The following AMZ2 variants were observed in gnomAD, a reference collection of about 807,000 sequenced individuals.
AMZ2 encodes archaelysin family metallopeptidase 2.
Under a neutral mutation model 36.7 loss-of-function variants are expected in AMZ2, and 26 were observed. The observed-to-expected ratio is 0.71, with a 90% CI of 0.52 to 0.98. The LOEUF (loss-of-function observed/expected upper bound fraction) is 0.98. AMZ2 is among the 50% of genes least tolerant of loss of function. The pLI is 0.00. For synonymous variants in AMZ2, 144 were observed against 149.1 expected (o/e 0.97, Z 0.25); for missense variants, 394 against 430.5 (o/e 0.92, Z 0.75).
At chr17:68,222,730 A>G (rs1281090031) in intron 1 of AMZ2, among the ~76,000 whole-genome samples, 1 of 152,148 alleles carries the variant, frequency 6.6e-6, no homozygotes, top group Non-Finnish European at 1.5e-5. Flanking sequence ...TGCACTCCTA[A>G]GAAAATCTAA....
chr17:68,220,780 C>CCCTTT (rs1599300316), intron 1 of AMZ2, among the ~76,000 whole-genome samples: 1 of 123,102 alleles, frequency 8.1e-6, no homozygotes, highest in Admixed American at 8.6e-5. Flanking sequence ...CTTTTTCTTT[C>CCCTTT]TCTTTTTTTT....
At chr17:68,251,264 A>G in intron 4 of AMZ2, 86 bp downstream of exon 4, 2 of 1,412,480 alleles carry the variant, frequency 1.4e-6, no homozygotes, top group Non-Finnish European at 1.9e-6. Flanking sequence ...ATTCCAACCA[A>G]GAATCATATT....
intron 1 of AMZ2, among the ~76,000 whole-genome samples, chr17:68,221,570 A>G (rs1555728555): frequency 6.6e-6 from 1 of 152,008 alleles, no homozygotes; most frequent in Non-Finnish European, 1.5e-5. Context: ...TACTAAAAAT[A>G]CAAAAAATTA....
chr17:68,211,782 A>G (rs1342450499), intron 1 of AMZ2, among the ~76,000 whole-genome samples: 1 of 125,096 alleles, frequency 8.0e-6, no homozygotes, highest in Non-Finnish European at 1.6e-5. Context: ...ATATGTATAT[A>G]TGTATATGTA....
At position 68,254,458 on chromosome 17, in the gene AMZ2, A is replaced by G. The variant is rs2074742035; in HGVS notation, c.641A>G (p.Tyr214Cys). 2 of 1,613,758 alleles carry G rather than the reference A, an allele frequency of 1.2e-6. No individual in the cohort carries two copies. The highest frequency in any genetic ancestry group is 1.7e-6 in the Non-Finnish European group (2 of 1,180,000). Residue 214 changes from tyrosine (Y) to cysteine (C), a missense_variant, in exon 5 of 7, where the codon TAT (tyrosine) becomes TGT (cysteine). Tyr to Cys is a radical substitution (Grantham distance 194). Coordinates refer to ENST00000359904, the MANE Select transcript of AMZ2 (RefSeq NM_016627.5). ...RYGSDFYSMH[Y>C]KGKVKKLKKT... ...GGCAGTGATTTTTATAGCATGCACT[A>G]TAAAGGCAAAGTGAAGAAGCTCAAG...
chr17:68,217,336 CTG>C (rs1423430369), intron 1 of AMZ2, among the ~76,000 whole-genome samples: 1 of 152,124 alleles, frequency 6.6e-6, no homozygotes, highest in Non-Finnish European at 1.5e-5. Context: ...GTCAATAAAA[CTG>C]TTCATTTAAG....
intron 4 of AMZ2, among the ~76,000 whole-genome samples, chr17:68,251,837 CAG>C (rs1325149570): frequency 6.6e-6 from 1 of 152,160 alleles, no homozygotes; most frequent in Non-Finnish European, 1.5e-5. Flanking sequence ...TCATCTTGCA[CAG>C]TTAGAATAGC....
intron 1 of AMZ2, 64 bp from the exon 2 acceptor site, chr17:68,250,124 G>T: frequency 1.3e-6 from 2 of 1,512,370 alleles, no homozygotes; most frequent in Non-Finnish European, 8.9e-7. Context: ...AAATATAGAG[G>T]ATAGGTAAAG....
intron 1 of AMZ2, among the ~76,000 whole-genome samples, chr17:68,214,928 TGTGTGACACCACGCCC>T (rs1555726882): frequency 6.6e-5 from 6 of 90,428 alleles, no homozygotes; most frequent in East Asian, 7.2e-4. Context: ...GGACTACAGG[TGTGTGACACCACGCCC>T]GGCTAATTTT....
intron 1 of AMZ2, among the ~76,000 whole-genome samples, chr17:68,225,958 A>G (rs1343704330): frequency 6.6e-6 from 1 of 152,114 alleles, no homozygotes; most frequent in Non-Finnish European, 1.5e-5. Context: ...TTAAGGCAAG[A>G]TTAATAGAAA....
intron 1 of AMZ2, among the ~76,000 whole-genome samples, chr17:68,229,843 C>T (rs1168290120): frequency 6.6e-6 from 1 of 152,180 alleles, no homozygotes; most frequent in African/African-American, 2.4e-5. Flanking sequence ...GCTGGGTCAG[C>T]TTGAACATGT....
At chr17:68,239,210 GTTTTC>G (rs1325114702) in intron 1 of AMZ2, among the ~76,000 whole-genome samples, 2 of 152,122 alleles carry the variant, frequency 1.3e-5, no homozygotes, top group African/African-American at 4.8e-5. Context: ...AGCATAAATT[GTTTTC>G]TTTTCTACTT....
At position 68,235,614 on chromosome 17, in the gene AMZ2, C is replaced by A. The variant is rs2073767959; in HGVS notation, c.-66-13026C>A. 6.6e-6 allele frequency among the ~76,000 whole-genome samples: 1 copy of A among 152,104 alleles called. No homozygotes were observed. The highest frequency in any genetic ancestry group is 2.1e-4 in the South Asian group (1 of 4,808). On this transcript the variant is annotated intron_variant, in intron 1 of 7. Coordinates refer to the AMZ2 transcript ENST00000674770. This position sits in a 1 kb window ranked among gnomAD's most constrained non-coding sequence, Gnocchi z 4.2. ...CAATCCCTCAGGGCCCCTCTCGGTG[C>A]CTGCTTGGCTGACTGGGCAGCCCAG... is the stretch of plus-strand genomic sequence containing the variant.
upstream of AMZ2, among the ~76,000 whole-genome samples, chr17:68,244,558 A>G (rs1356181053): frequency 6.6e-6 from 1 of 152,210 alleles, no homozygotes; most frequent in Non-Finnish European, 1.5e-5. Context: ...AAGTGCTGGG[A>G]TTACAGGCAT....
chr17:68,231,866 A>G (rs2081830489), intron 1 of AMZ2, among the ~76,000 whole-genome samples: 1 of 152,144 alleles, frequency 6.6e-6, no homozygotes, highest in Admixed American at 6.5e-5. Context: ...TCAAATGAAC[A>G]ACAAATCACT....
intron 1 of AMZ2, among the ~76,000 whole-genome samples, chr17:68,228,201 C>T (rs1490914487): frequency 1.3e-5 from 2 of 152,170 alleles, no homozygotes; most frequent in African/African-American, 4.8e-5. Context: ...CACCATCCTC[C>T]TCAGAACTAT....
chr17:68,255,549 A>G, intron 5 of AMZ2, 151 bp from the exon 6 acceptor site: 2 of 741,744 alleles, frequency 2.7e-6, no homozygotes, highest in South Asian at 1.9e-5. Context: ...ATGAGGGATT[A>G]TTAAGTCTTT....
chr17:68,207,313 A>AACCCCCCCCCC (rs2072865347), intron 1 of AMZ2: 2 of 110,652 alleles, frequency 1.8e-5, no homozygotes, highest in Non-Finnish European at 3.8e-5. Context: ...TTTGTTAAAT[A>AACCCCCCCCCC]CCCCCCCCCC....
intron 1 of AMZ2, among the ~76,000 whole-genome samples, chr17:68,238,699 AG>A (rs577200309): frequency 3.0e-4 from 46 of 152,314 alleles, no homozygotes; most frequent in African/African-American, 1.1e-3. Flanking sequence ...ACAGCCCCAA[AG>A]GCCTTACTGA....
Sources: allele counts gnomAD v4.1 joint callset (sites outside exome capture counted in the v4.1 genomes callset), GRCh38; gene constraint gnomAD v4.1.1; non-coding constraint Gnocchi (gnomAD v3.1); transcripts MANE v1.5; gene names NCBI Gene and HGNC (gene_info 2026-07-23, HGNC 2026-07-21).